The following TNRC6A variants were observed in gnomAD, a reference collection of about 807,000 sequenced individuals.
TNRC6A encodes the protein trinucleotide repeat-containing gene 6A protein.
A neutral mutation model predicts 221.2 loss-of-function variants in TNRC6A; 44 were observed. That is an observed-to-expected ratio of 0.20 (90% CI 0.16 to 0.26). The LOEUF (loss-of-function observed/expected upper bound fraction) is 0.26, where lower values mean the gene tolerates loss of function less well. Among genes scored for constraint, TNRC6A ranks in the 10% least tolerant of loss-of-function variants. The probability of loss-of-function intolerance (pLI) is 1.00; values close to 1 mark genes in which losing one functional copy is unlikely to be tolerated. For missense variants in TNRC6A, 2,199 were observed against 2,404.4 expected, an observed-to-expected ratio of 0.91 and a Z score of 1.79; for synonymous variants, 847 against 838.5, an observed-to-expected ratio of 1.01 and a Z score of -0.18.
chr16:24,754,803 A>C (rs2057214632), intron 3 of TNRC6A, among the ~76,000 whole-genome samples: 1 of 152,202 alleles, frequency 6.6e-6, no homozygotes, highest in Admixed American at 6.5e-5. Flanking sequence ...CAACAATACA[A>C]GTTGGGATCT....
intron 2 of TNRC6A, among the ~76,000 whole-genome samples, chr16:24,702,303 G>A (rs577380952): frequency 2.0e-5 from 3 of 150,962 alleles, no homozygotes; most frequent in East Asian, 2.0e-4. Flanking sequence ...TCAGCCTCCC[G>A]AGTAGCTGGG....
intron 2 of TNRC6A, among the ~76,000 whole-genome samples, chr16:24,712,907 CTGTGTGTGTGTGTGTGTGTG>C (rs61198955): frequency 7.9e-5 from 10 of 126,702 alleles, no homozygotes; most frequent in Non-Finnish European, 1.6e-4. Flanking sequence ...TTATGTGCCA[CTGTGTGTGTGTGTGTGTGTG>C]TGTGTGTGTG....
At position 24,683,713 on chromosome 16, in the gene TNRC6A, T is replaced by A. The variant is rs527434577; in HGVS notation, n.402+42704T>A. 2.0e-5 allele frequency among the ~76,000 whole-genome samples: 3 copies of A among 152,316 alleles called. No homozygotes were observed. In the East Asian group the frequency reaches 5.8e-4, roughly 29 times the overall value. On this transcript the variant is annotated intron_variant and non_coding_transcript_variant, in intron 2 of 2. Coordinates refer to the TNRC6A transcript ENST00000566108. The stretch of plus-strand genomic sequence containing the variant: ...TGCAACCTTGGGCAATTTCCTTAGC[T>A]CTTCTCGCTGTCCTCAGTTTCCTCA...
chr16:24,652,954 G>A (rs1159794550), intron 2 of TNRC6A, among the ~76,000 whole-genome samples: 1 of 152,194 alleles, frequency 6.6e-6, no homozygotes, highest in Non-Finnish European at 1.5e-5. Context: ...AGAGAGGCCT[G>A]AGAATTCTCT....
chr16:24,806,174 T>A, intron 15 of TNRC6A, 32 bp from the exon 16 acceptor site: 3 of 1,612,512 alleles, frequency 1.9e-6, no homozygotes, highest in Non-Finnish European at 2.5e-6. Context: ...AATGGTGTGA[T>A]AGTAACAACC....
chr16:24,812,309 G>C (rs888220768), intron 18 of TNRC6A, among the ~76,000 whole-genome samples: 1 of 151,998 alleles, frequency 6.6e-6, no homozygotes, highest in South Asian at 2.1e-4. Context: ...GCCTCAGCCT[G>C]CCAAAGTGCT....
At chr16:24,722,661 T>C (rs2056430209) in intron 2 of TNRC6A, among the ~76,000 whole-genome samples, 1 of 152,114 alleles carries the variant, frequency 6.6e-6, no homozygotes, top group Non-Finnish European at 1.5e-5. Context: ...CTTGAACTCC[T>C]GACCCCAAAT....
At chr16:24,706,093 C>A (rs568129678) in intron 2 of TNRC6A, among the ~76,000 whole-genome samples, 1 of 152,202 alleles carries the variant, frequency 6.6e-6, no homozygotes, top group South Asian at 2.1e-4. Flanking sequence ...ATAGCACCAA[C>A]GCTCACACTT....
intron 2 of TNRC6A, among the ~76,000 whole-genome samples, chr16:24,692,536 C>T (rs928933830): frequency 6.6e-6 from 1 of 151,896 alleles, no homozygotes; most frequent in Admixed American, 6.6e-5. Flanking sequence ...CACCACTGCA[C>T]TCCAGCCTGG....
At chr16:24,762,956 G>C (rs2057394312) in intron 4 of TNRC6A, among the ~76,000 whole-genome samples, 1 of 152,124 alleles carries the variant, frequency 6.6e-6, no homozygotes, top group Non-Finnish European at 1.5e-5. Flanking sequence ...AGATTTTACA[G>C]TATTTCTCTA....
intron 2 of TNRC6A, among the ~76,000 whole-genome samples, chr16:24,720,695 AAAAAAAAAAAAAGAAAGAAAG>A (rs1440835323): frequency 1.3e-5 from 2 of 148,338 alleles, no homozygotes; most frequent in Admixed American, 6.7e-5. Flanking sequence ...TCATCTCAAA[AAAAAAAAAAAAAGAAAGAAAG>A]AAAAAAAAAA....
At chr16:24,687,954 CTT>C (rs770651349) in intron 2 of TNRC6A, among the ~76,000 whole-genome samples, 1 of 70,652 alleles carries the variant, frequency 1.4e-5, no homozygotes, top group Non-Finnish European at 2.5e-5. Flanking sequence ...CTTTTCTTTT[CTT>C]TTTTTTTTTT....
chr16:24,696,751 G>GAAAAAAAAAAAAA (rs2055872388), intron 2 of TNRC6A, among the ~76,000 whole-genome samples: 1 of 42,638 alleles, frequency 2.3e-5, no homozygotes, highest in African/African-American at 1.1e-4. Context: ...AAAAAGAAAG[G>GAAAAAAAAAAAAA]AAAGGAAAGG....
intron 14 of TNRC6A, 61 bp downstream of exon 14, chr16:24,805,212 TA>T: frequency 1.3e-6 from 2 of 1,593,346 alleles, no homozygotes; most frequent in South Asian, 2.2e-5. Context: ...CATGATTTTG[TA>T]TTTGAATAAA....
intron 2 of TNRC6A, among the ~76,000 whole-genome samples, chr16:24,650,708 C>A (rs186579409): frequency 3.3e-5 from 5 of 151,214 alleles, no homozygotes; most frequent in African/African-American, 1.2e-4. Flanking sequence ...TCAAACCAAA[C>A]GAATTGACAC....
intron 2 of TNRC6A, among the ~76,000 whole-genome samples, chr16:24,703,122 A>G (rs2056022703): frequency 6.6e-6 from 1 of 152,170 alleles, no homozygotes; most frequent in Non-Finnish European, 1.5e-5. Flanking sequence ...GAGTTGTGCA[A>G]CCATCACCAC....
At chr16:24,746,871 C>G (rs1349583973) in intron 2 of TNRC6A, among the ~76,000 whole-genome samples, 2 of 152,144 alleles carry the variant, frequency 1.3e-5, no homozygotes, top group Admixed American at 6.5e-5. Context: ...GTACCCTGCT[C>G]CCTTGATAGG....
At chr16:24,675,576 G>T (rs1298458250) in intron 2 of TNRC6A, among the ~76,000 whole-genome samples, 7 of 151,152 alleles carry the variant, frequency 4.6e-5, no homozygotes, top group Non-Finnish European at 8.8e-5. Context: ...AGCTACTCGG[G>T]AGGCTGAGAC....
In TNRC6A at chr16:24,675,716, A is replaced by C. The variant is rs868315634; in HGVS notation, n.402+34707A>C. On this transcript the variant is annotated intron_variant and non_coding_transcript_variant, in intron 2 of 2. Coordinates refer to the TNRC6A transcript ENST00000566108. Reference sequence around the variant, plus strand: ...TCTCTCTCTCTCTATATATATATATATATATATATATATATATATATATAT... The same window carrying C: ...TCTCTCTCTCTCTATATATATATATCTATATATATATATATATATATATAT... 7.8e-3 allele frequency among the ~76,000 whole-genome samples: 888 copies of C among 114,564 alleles called. 1 individual carries two copies. The highest frequency in any genetic ancestry group is 0.013 in the African/African-American group (404 of 31,492). The allele number at this position is 114,564 out of a possible 152,430, so 75.2% of individuals were successfully genotyped here.
Sources: allele counts gnomAD v4.1 joint callset (sites outside exome capture counted in the v4.1 genomes callset), GRCh38; gene constraint gnomAD v4.1.1; transcripts MANE v1.5; gene names NCBI Gene and HGNC (gene_info 2026-07-23, HGNC 2026-07-21).